Variants in AP2A2 observed in about 807,000 individuals in gnomAD.
The protein encoded by AP2A2 is AP-2 complex subunit alpha-2.
In AP2A2, 32 loss-of-function variants were observed where a neutral mutation model predicts 104.2. The observed-to-expected ratio is 0.31, with a 90% CI of 0.23 to 0.41. The LOEUF (loss-of-function observed/expected upper bound fraction) is 0.41. AP2A2 is among the 10% of genes least tolerant of loss of function. The pLI is 1.00. For synonymous variants in AP2A2, 539 were observed against 533.3 expected, an observed-to-expected ratio of 1.01 and a Z score of -0.15; for missense variants, 912 against 1,261.0, an observed-to-expected ratio of 0.72 and a Z score of 4.19.
chr11:975,845 G>A (rs887469915), intron 4 of AP2A2, among the ~76,000 whole-genome samples: 3 of 152,178 alleles, frequency 2.0e-5, no homozygotes, highest in African/African-American at 7.2e-5. Context: ...GGTCTCCCTC[G>A]TGTGAGCTGA....
intron 1 of AP2A2, among the ~76,000 whole-genome samples, chr11:953,685 C>T (rs535803409): frequency 2.0e-5 from 3 of 152,070 alleles, no homozygotes; most frequent in African/African-American, 7.2e-5. Flanking sequence ...CCTGCTTTTG[C>T]GTCGTCTCTG....
chr11:951,956 T>C (rs759134201), intron 1 of AP2A2, among the ~76,000 whole-genome samples: 2 of 126,308 alleles, frequency 1.6e-5, no homozygotes, highest in Admixed American at 9.5e-5. Flanking sequence ...GAGTGTTGAC[T>C]TCCTGGGCTC....
intron 6 of AP2A2, 103 bp downstream of exon 6, chr11:981,402 T>C: frequency 9.1e-7 from 1 of 1,101,686 alleles, no homozygotes; most frequent in Non-Finnish European, 1.3e-6. Flanking sequence ...AGTTTATAAA[T>C]TCAGGGATGA....
At chr11:1,006,655 A>G in intron 17 of AP2A2, 38 bp downstream of exon 17, 1 of 1,504,416 alleles carries the variant, frequency 6.6e-7, no homozygotes, top group Non-Finnish European at 9.2e-7. Flanking sequence ...CGCAGACAGC[A>G]TAATGTGGGG....
intron 14 of AP2A2, among the ~76,000 whole-genome samples, chr11:999,053 A>G (rs931274497): frequency 5.9e-5 from 9 of 152,084 alleles, no homozygotes; most frequent in African/African-American, 2.2e-4. Context: ...GTGGGGCAGG[A>G]CCCGTGGAGC....
chr11:987,221 C>T (rs535290384), intron 9 of AP2A2, among the ~76,000 whole-genome samples: 42 of 152,308 alleles, frequency 2.8e-4, no homozygotes, highest in African/African-American at 8.9e-4. Flanking sequence ...GGGCAGCCCC[C>T]GTGTGCCATC....
In AP2A2 at chr11:993,325, G is replaced by C. The variant is rs1370407631; in HGVS notation, c.1494G>C (p.Val498=). The C allele has an allele frequency of 1.2e-6, 2 of 1,612,826 alleles. No homozygotes were observed. The highest frequency in any genetic ancestry group is 1.7e-6 in the Non-Finnish European group (2 of 1,179,582). The change falls in exon 12 of 22, where the codon GTG becomes GTC. Residue 498 remains valine (V), a synonymous_variant. Coordinates refer to ENST00000448903, the MANE Select transcript of AP2A2 (RefSeq NM_012305.4). The surrounding 1 kb of genome is among the most constrained non-coding windows in gnomAD (Gnocchi z 8.2). ...CGTGCCACGAGAACCTGGTCAAAGT[G>C]GGCGGCTACATCCTGGGGGAGTTTG... The part of the protein sequence containing the change: ...APACHENLVK[V]GGYILGEFGN...
chr11:960,657 C>T (rs1256199074), intron 2 of AP2A2, among the ~76,000 whole-genome samples: 2 of 152,258 alleles, frequency 1.3e-5, no homozygotes, highest in Admixed American at 6.5e-5. Flanking sequence ...GGATTACAGG[C>T]GTGAGCCACT....
chr11:1,004,883 G>A (rs766476179), intron 16 of AP2A2, among the ~76,000 whole-genome samples: 119 of 152,110 alleles, frequency 7.8e-4, no homozygotes, highest in Non-Finnish European at 1.2e-3. Context: ...AGCCTTGTAC[G>A]CCGCTGGTGG....
intron 6 of AP2A2, among the ~76,000 whole-genome samples, chr11:984,117 G>A (rs924239721): frequency 6.6e-5 from 10 of 152,116 alleles, no homozygotes; most frequent in South Asian, 2.1e-4. Context: ...CGAGGTAGTC[G>A]TGATTGTCAC....
At chr11:938,773 C>T (rs1168033625) in intron 1 of AP2A2, among the ~76,000 whole-genome samples, 1 of 151,898 alleles carries the variant, frequency 6.6e-6, no homozygotes, top group Non-Finnish European at 1.5e-5. Context: ...TGTGCCCGGC[C>T]CAAATGTTTG....
intron 20 of AP2A2, 60 bp from the exon 21 acceptor site, chr11:1,009,623 G>C: frequency 6.9e-7 from 1 of 1,453,620 alleles, no homozygotes; most frequent in Non-Finnish European, 9.3e-7. Context: ...GGGCGGCCCC[G>C]GGGGACACGC....
At position 981,285 on chromosome 11, in the gene AP2A2, T is replaced by A. The variant is rs1252888298; in HGVS notation, c.691T>A (p.Ser231Thr). The change falls in exon 6 of 22, where the codon TCT (serine) becomes ACT (threonine). Residue 231 changes from serine to threonine, a missense_variant. Physicochemically the swap from Ser to Thr is moderately conservative, Grantham distance 58 (BLOSUM62 1). Coordinates refer to ENST00000448903, the MANE Select transcript of AP2A2 (RefSeq NM_012305.4). ...EFKTSVSLAV[S>T]RLSRIVTSAS... The stretch of plus-strand genomic sequence containing the variant: ...TAAAACCTCCGTGTCTCTGGCTGTC[T>A]CTAGGCTAAGCAGAGTAAGTCTGTT... The A allele has an allele frequency of 3.1e-6, 5 of 1,612,594 alleles. No homozygotes were observed. Among genetic ancestry groups the A allele is most frequent in the Non-Finnish European group, 3.4e-6 (4 of 1,179,028 alleles).
rs752216705 is a variant in AP2A2, at chr11:1,011,531, C to T, written c.*906C>T. Reference sequence around the variant, plus strand: ...GTCAGGAAGTGAAGGGGCCATTGGCCGCATGCCATGTGCCACCTGCGGCTT... The same window carrying T: ...GTCAGGAAGTGAAGGGGCCATTGGCTGCATGCCATGTGCCACCTGCGGCTT... On this transcript the variant is annotated 3_prime_UTR_variant, in exon 22 of 22. Transcript: ENST00000448903. The T allele has an allele frequency of 4.1e-5, 20 of 482,662 alleles. No individual in the cohort carries two copies. Among genetic ancestry groups the T allele is most frequent in the Non-Finnish European group, 6.2e-5 (15 of 241,634 alleles). 29.9% of individuals were successfully genotyped at this position (482,662 alleles called of 1,614,324 possible).
At chr11:1,009,897 C>A (rs895227151) in intron 21 of AP2A2, 80 bp downstream of exon 21, 2 of 1,465,766 alleles carry the variant, frequency 1.4e-6, no homozygotes, top group East Asian at 5.0e-5. Flanking sequence ...ATGTGTAGCT[C>A]TTTAGTGCAG....
At chr11:926,190 T>G (rs1303042685) in intron 1 of AP2A2, 102 bp downstream of exon 1, 2 of 625,648 alleles carry the variant, frequency 3.2e-6, no homozygotes, top group Non-Finnish European at 3.9e-6. Context: ...GGGTGCAGGC[T>G]GGGATGCGGG....
rs1854700896 is a variant in AP2A2, at chr11:968,453, CGTCCCCATCCCT to C, written c.137-1710_137-1699del. The stretch of plus-strand genomic sequence containing the variant: ...CTGTTCCCATCCCCGTCTCCATCCC[CGTCCCCATCCCT>C]GTCCCACAAAACTCAGCCCAGTCGG... On this transcript the variant is annotated intron_variant, in intron 2 of 21. Coordinates refer to ENST00000448903, the MANE Select transcript of AP2A2 (RefSeq NM_012305.4). This position sits in a 1 kb window ranked among gnomAD's most constrained non-coding sequence, Gnocchi z 4.2. 7.1e-6 allele frequency among the ~76,000 whole-genome samples: 1 copy of C among 141,322 alleles called. No individual in the cohort carries two copies. The highest frequency in any genetic ancestry group is 1.6e-5 in the Non-Finnish European group (1 of 63,270). The allele number at this position is 141,322 out of a possible 152,430, so 92.7% of individuals were successfully genotyped here.
At position 972,102 on chromosome 11, in the gene AP2A2, A is replaced by G. The variant is rs1350973449; in HGVS notation, c.320A>G (p.Glu107Gly). The G allele has an allele frequency of 6.2e-7, 1 of 1,613,812 alleles. No individual in the cohort carries two copies. The highest frequency in any genetic ancestry group is 2.2e-5 in the East Asian group (1 of 44,878). Residue 107 changes from glutamate (E) to glycine (G), a missense_variant, in exon 4 of 22, where the codon GAG (glutamate) becomes GGG (glycine). Glu to Gly is a moderately conservative substitution (Grantham distance 98). This residue lies in a region of AP2A2 where 350 missense variants were observed against 487.0 expected (regional missense o/e 0.72). Transcript: ENST00000448903. The part of the protein sequence containing the change: ...FISVLVNSNS[E>G]LIRLINNAIK... ...TCTGTGTTGGTGAACTCAAACAGTGAGCTGATCCGCCTGATCAACAACGCC... is the reference window on the plus strand; with the variant it reads ...TCTGTGTTGGTGAACTCAAACAGTGGGCTGATCCGCCTGATCAACAACGCC...
At chr11:995,516 A>G (rs1223529381) in intron 14 of AP2A2, 1 of 449,296 alleles carries the variant, frequency 2.2e-6, no homozygotes, top group African/African-American at 2.0e-5. Flanking sequence ...GCTACCCAGT[A>G]TCGGCAGGGC....
Sources: allele counts gnomAD v4.1 joint callset (sites outside exome capture counted in the v4.1 genomes callset), GRCh38; gene constraint gnomAD v4.1.1; regional missense constraint gnomAD v4.1.1; non-coding constraint Gnocchi (gnomAD v3.1); transcripts MANE v1.5; gene names NCBI Gene and HGNC (gene_info 2026-07-23, HGNC 2026-07-21).